The following JAZF1 variants were observed in gnomAD, a reference collection of about 807,000 sequenced individuals.
JAZF1 encodes juxtaposed with another zinc finger protein 1.
In JAZF1, 8 loss-of-function variants were observed where a neutral mutation model predicts 26.4. The ratio of observed to expected loss-of-function variants is 0.30; its 90% CI spans 0.18 to 0.55. The LOEUF is 0.55. Ranked by LOEUF, JAZF1 falls within the 20% of genes least tolerant of loss-of-function variation. The pLI, the probability that JAZF1 is intolerant of heterozygous loss-of-function variation, is 0.94. For synonymous variants in JAZF1, 126 were observed against 122.3 expected, an observed-to-expected ratio of 1.03 and a Z score of -0.20; for missense variants, 199 against 322.0, an observed-to-expected ratio of 0.62 and a Z score of 2.92.
At chr7:28,111,740 G>C (rs1784664258) in intron 1 of JAZF1, among the ~76,000 whole-genome samples, 1 of 152,176 alleles carries the variant, frequency 6.6e-6, no homozygotes, top group Non-Finnish European at 1.5e-5. Flanking sequence ...CAACAACAGT[G>C]TATTTACCTT....
intron 1 of JAZF1, among the ~76,000 whole-genome samples, chr7:28,128,178 C>T (rs909877933): frequency 4.6e-5 from 7 of 152,082 alleles, no homozygotes; most frequent in Admixed American, 6.6e-5. Flanking sequence ...CAGTGGTTCC[C>T]GAAGTCTGGT....
At chr7:28,123,618 C>A (rs1782639640) in intron 1 of JAZF1, among the ~76,000 whole-genome samples, 1 of 152,226 alleles carries the variant, frequency 6.6e-6, no homozygotes, top group South Asian at 2.1e-4. Flanking sequence ...GGCCACAAAG[C>A]CTGGCCCCTG....
At chr7:27,895,471 G>A in intron 2 of JAZF1, 55 bp from the exon 3 acceptor site, 1 of 1,306,376 alleles carries the variant, frequency 7.7e-7, no homozygotes, top group South Asian at 1.5e-5. Flanking sequence ...CATGAGGACT[G>A]ATGACATTTA....
At chr7:27,973,941 G>A (rs1031756901) in intron 2 of JAZF1, among the ~76,000 whole-genome samples, 5 of 152,182 alleles carry the variant, frequency 3.3e-5, no homozygotes, top group Non-Finnish European at 7.3e-5. Context: ...AAGGACAAGA[G>A]CAGGGGAAGC....
At chr7:28,105,182 C>A (rs1109484) in intron 1 of JAZF1, among the ~76,000 whole-genome samples, 80,060 of 151,924 alleles carry the variant, frequency 0.53, 22,620 homozygotes, top group Non-Finnish European at 0.62. Context: ...ACTCTCCTCT[C>A]AATGCCAAAG....
intron 1 of JAZF1, among the ~76,000 whole-genome samples, chr7:28,169,396 T>C (rs1783419039): frequency 6.6e-6 from 1 of 152,206 alleles, no homozygotes; most frequent in African/African-American, 2.4e-5. Context: ...TCCAGATGTC[T>C]AGTGTCAGAA....
rs549787550 is a variant in JAZF1 at position 28,065,426 on chromosome 7, C to T, written c.116-73445G>A. 7.9e-5 allele frequency among the ~76,000 whole-genome samples: 12 copies of T among 150,988 alleles called. No individual in the cohort carries two copies. The East Asian group carries it at 1.4e-3, about 17-fold the overall frequency. On this transcript the variant is annotated intron_variant, in intron 1 of 4. Coordinates refer to ENST00000283928, the MANE Select transcript of JAZF1 (RefSeq NM_175061.4). ...GGAGTGGGTGAGAGAAGCGGGGAGG[C>T]GCCTCAGGAGAACAATCAGACAGTG...
chr7:27,855,894 A>T (rs914783775), intron 3 of JAZF1, among the ~76,000 whole-genome samples: 4 of 152,202 alleles, frequency 2.6e-5, no homozygotes, highest in Admixed American at 2.0e-4. Context: ...ACCAAAAACC[A>T]GCAGAGACAC....
chr7:27,888,507 G>C (rs1321477433), intron 3 of JAZF1, among the ~76,000 whole-genome samples: 1 of 152,124 alleles, frequency 6.6e-6, no homozygotes, highest in Non-Finnish European at 1.5e-5. Flanking sequence ...CATTCAGATA[G>C]AGCTTCTAAA....
chr7:28,005,920 A>C (rs1782692897), intron 1 of JAZF1, among the ~76,000 whole-genome samples: 1 of 151,860 alleles, frequency 6.6e-6, no homozygotes. Flanking sequence ...TCTTTAGACA[A>C]TGTAAGATGG....
At chr7:27,917,314 C>T (rs1467304880) in intron 2 of JAZF1, among the ~76,000 whole-genome samples, 1 of 152,168 alleles carries the variant, frequency 6.6e-6, no homozygotes, top group African/African-American at 2.4e-5. Flanking sequence ...TTCCAGCGTG[C>T]CTCTCCTCAC....
chr7:28,094,565 C>CTG (rs1437912844), intron 1 of JAZF1, among the ~76,000 whole-genome samples: 2 of 152,108 alleles, frequency 1.3e-5, no homozygotes, highest in Admixed American at 1.3e-4. Context: ...TGTCTCCAAA[C>CTG]TGTCATCTGC....
chr7:27,908,444 AT>A (rs551463472), intron 2 of JAZF1, among the ~76,000 whole-genome samples: 2 of 151,892 alleles, frequency 1.3e-5, no homozygotes, highest in Non-Finnish European at 2.9e-5. Flanking sequence ...TTGGGGGTTG[AT>A]TTTTTTTCAA....
intron 1 of JAZF1, among the ~76,000 whole-genome samples, chr7:28,004,044 C>G (rs1782655324): frequency 6.6e-6 from 1 of 152,152 alleles, no homozygotes; most frequent in African/African-American, 2.4e-5. Context: ...GGTCTCAGCT[C>G]TCAAGCAGAC....
chr7:28,148,127 G>A (rs1783055543), intron 1 of JAZF1, among the ~76,000 whole-genome samples: 1 of 151,608 alleles, frequency 6.6e-6, no homozygotes, highest in African/African-American at 2.4e-5. Context: ...CTGGAGTGCA[G>A]TGGCACGATC....
intron 1 of JAZF1, among the ~76,000 whole-genome samples, chr7:28,173,880 TAAAA>T (rs58075065): frequency 2.7e-4 from 25 of 93,130 alleles, no homozygotes; most frequent in African/African-American, 8.9e-4. Context: ...CAGCTAGCTT[TAAAA>T]AAAAAAAAAA....
Position 28,147,724 on chromosome 7 carries a change from A to AC in JAZF1, c.115+32738_115+32739insG, listed in dbSNP as rs544328257. 5.6e-3 allele frequency among the ~76,000 whole-genome samples: 833 copies of AC among 148,108 alleles called. 3 individuals are homozygous for AC. The highest frequency in any genetic ancestry group is 0.014 in the South Asian group (65 of 4,540). ...TATATATACATATATATATACACACAAAAAAAAATTAGCCAGGTGTGTTGA... is the reference window on the plus strand; with the variant it reads ...TATATATACATATATATATACACACACAAAAAAAATTAGCCAGGTGTGTTGA... On this transcript the variant is annotated intron_variant, in intron 1 of 4. Transcript: ENST00000283928.
intron 2 of JAZF1, among the ~76,000 whole-genome samples, chr7:27,962,726 T>G (rs1785205899): frequency 6.6e-6 from 1 of 152,168 alleles, no homozygotes; most frequent in Admixed American, 6.5e-5. Context: ...ATCTGCTGCT[T>G]TCATTTTGTA....
chr7:27,887,001 C>G (rs936772877), intron 3 of JAZF1, among the ~76,000 whole-genome samples: 1 of 152,120 alleles, frequency 6.6e-6, no homozygotes, highest in African/African-American at 2.4e-5. Flanking sequence ...AACACAGGAA[C>G]AGAAAACCAA....
Sources: allele counts gnomAD v4.1 joint callset (sites outside exome capture counted in the v4.1 genomes callset), GRCh38; gene constraint gnomAD v4.1.1; transcripts MANE v1.5; gene names NCBI Gene and HGNC (gene_info 2026-07-23, HGNC 2026-07-21).